ZNF804B: variants seen among roughly 807,000 people sequenced by gnomAD.
ZNF804B encodes zinc finger 804B.
ZNF804B carries 80 observed loss-of-function variants against 101.4 expected under a neutral mutation model. The ratio of observed to expected loss-of-function variants is 0.79; its 90% CI spans 0.66 to 0.95. ZNF804B has a LOEUF of 0.95. Among genes scored for constraint, ZNF804B ranks in the 40% least tolerant of loss-of-function variants. The pLI is 0.00. For synonymous variants in ZNF804B, 622 were observed against 558.8 expected (o/e 1.11, Z -1.59); for missense variants, 1,673 against 1,561.9 (o/e 1.07, Z -1.20).
intron 1 of ZNF804B, among the ~76,000 whole-genome samples, chr7:88,935,242 A>C (rs1028473703): frequency 1.3e-5 from 2 of 151,876 alleles, no homozygotes; most frequent in Non-Finnish European, 2.9e-5. Flanking sequence ...ATGTGAAGGC[A>C]TAAGAATGAT....
intron 2 of ZNF804B, among the ~76,000 whole-genome samples, chr7:89,239,634 A>C (rs1028625213): frequency 2.6e-5 from 4 of 152,064 alleles, no homozygotes; most frequent in African/African-American, 9.7e-5. Context: ...TGAATGACTG[A>C]TTCTGTGTTT....
intron 1 of ZNF804B, among the ~76,000 whole-genome samples, chr7:88,946,167 C>T (rs1011850457): frequency 2.0e-5 from 3 of 151,970 alleles, no homozygotes; most frequent in South Asian, 2.1e-4. Flanking sequence ...TGTCCTGTGC[C>T]GGTTTTCAAA....
chr7:89,315,852 G>A (rs1790719271), intron 2 of ZNF804B, among the ~76,000 whole-genome samples: 1 of 152,078 alleles, frequency 6.6e-6, no homozygotes, highest in African/African-American at 2.4e-5. Context: ...ACTGGGGCCT[G>A]ATCATCACTG....
At chr7:89,000,273 C>T (rs1788263803) in intron 1 of ZNF804B, among the ~76,000 whole-genome samples, 1 of 151,898 alleles carries the variant, frequency 6.6e-6, no homozygotes, top group East Asian at 1.9e-4. Flanking sequence ...AGGAAAGATG[C>T]ACTGTTAGCA....
chr7:88,937,628 A>C (rs1233975112), intron 1 of ZNF804B, among the ~76,000 whole-genome samples: 2 of 152,078 alleles, frequency 1.3e-5, no homozygotes, highest in East Asian at 3.9e-4. Flanking sequence ...GGCAAAAGCA[A>C]GTTTCATAAA....
At chr7:89,077,692 T>G (rs1260970453) in intron 1 of ZNF804B, among the ~76,000 whole-genome samples, 9 of 152,178 alleles carry the variant, frequency 5.9e-5, no homozygotes, top group Admixed American at 5.9e-4. Context: ...ATTTAAAATG[T>G]TGCTTCTTCC....
In ZNF804B at chr7:89,221,372, G is replaced by A. The variant is rs150209702; in HGVS notation, c.249+3077G>A. Among the ~76,000 whole-genome samples the A allele has an allele frequency of 3.8e-3, 577 of 151,990 alleles. 3 individuals carry two copies. The highest frequency in any genetic ancestry group is 0.013 in the African/African-American group (554 of 41,498). Reference sequence around the variant, plus strand: ...AGGGATTTGGAGAAATAAAAGACCAGGAAAGGTCTCATGCAACAGTGGAAT... The same window carrying A: ...AGGGATTTGGAGAAATAAAAGACCAAGAAAGGTCTCATGCAACAGTGGAAT... On this transcript the variant is annotated intron_variant, in intron 2 of 3. Transcript: ENST00000333190.
intron 1 of ZNF804B, among the ~76,000 whole-genome samples, chr7:89,129,092 A>G (rs1790510275): frequency 6.6e-6 from 1 of 151,878 alleles, no homozygotes; most frequent in African/African-American, 2.4e-5. Flanking sequence ...TATTTCTTAT[A>G]CCTGCTAAAG....
chr7:88,845,322 ATAAC>A (rs1451789536), intron 1 of ZNF804B, among the ~76,000 whole-genome samples: 3 of 105,832 alleles, frequency 2.8e-5, no homozygotes, highest in African/African-American at 1.2e-4. Context: ...CACACACACA[ATAAC>A]AACACACAGT....
At chr7:88,966,773 C>A (rs541840415) in intron 1 of ZNF804B, among the ~76,000 whole-genome samples, 1 of 151,218 alleles carries the variant, frequency 6.6e-6, no homozygotes, top group African/African-American at 2.4e-5. Flanking sequence ...CACACACACA[C>A]AAACACACAC....
chr7:89,044,990 G>A (rs538040071), intron 1 of ZNF804B, among the ~76,000 whole-genome samples: 3 of 152,260 alleles, frequency 2.0e-5, no homozygotes, highest in South Asian at 2.1e-4. Flanking sequence ...ATCACAGGCC[G>A]GGTAGCCTAT....
chr7:89,041,018 G>A (rs1789008456), intron 1 of ZNF804B, among the ~76,000 whole-genome samples: 1 of 151,974 alleles, frequency 6.6e-6, no homozygotes, highest in African/African-American at 2.4e-5. Context: ...GGATCTGTGG[G>A]GCCAGTCTTG....
chr7:89,264,936 CAG>C (rs1205042317), intron 2 of ZNF804B, among the ~76,000 whole-genome samples: 2 of 152,142 alleles, frequency 1.3e-5, no homozygotes, highest in Admixed American at 1.3e-4. Context: ...ACAACTGAAA[CAG>C]AATATTGTTA....
chr7:88,859,387 G>C (rs1043097833), intron 1 of ZNF804B, among the ~76,000 whole-genome samples: 1 of 151,890 alleles, frequency 6.6e-6, no homozygotes, highest in African/African-American at 2.4e-5. Flanking sequence ...TAATAAAAGG[G>C]CACAAGCTTT....
At chr7:88,899,447 T>C (rs1792356644) in intron 1 of ZNF804B, among the ~76,000 whole-genome samples, 1 of 152,156 alleles carries the variant, frequency 6.6e-6, no homozygotes, top group Non-Finnish European at 1.5e-5. Context: ...TGTTTCACCT[T>C]GTCACTGTAT....
intron 2 of ZNF804B, among the ~76,000 whole-genome samples, chr7:89,230,006 C>G (rs1789164725): frequency 6.6e-6 from 1 of 151,770 alleles, no homozygotes; most frequent in Non-Finnish European, 1.5e-5. Context: ...GAAAATATGT[C>G]TTAGTAAAAT....
chr7:88,852,306 C>G (rs191810064), intron 1 of ZNF804B, among the ~76,000 whole-genome samples: 1 of 152,154 alleles, frequency 6.6e-6, no homozygotes, highest in Admixed American at 6.6e-5. Flanking sequence ...TACTATGAGT[C>G]ATGGTCAGAA....
At chr7:89,108,014 T>C (rs1356789847) in intron 1 of ZNF804B, among the ~76,000 whole-genome samples, 1 of 151,994 alleles carries the variant, frequency 6.6e-6, no homozygotes, top group Admixed American at 6.6e-5. Flanking sequence ...CTCCTAAGAC[T>C]GTCACAGCCA....
intron 1 of ZNF804B, among the ~76,000 whole-genome samples, chr7:88,832,689 GC>G (rs1477692402): frequency 1.3e-5 from 2 of 151,752 alleles, no homozygotes. Context: ...AAATTGTTTG[GC>G]CGAAGATGTG....
Sources: allele counts gnomAD v4.1 joint callset (sites outside exome capture counted in the v4.1 genomes callset), GRCh38; gene constraint gnomAD v4.1.1; transcripts MANE v1.5; gene names NCBI Gene and HGNC (gene_info 2026-07-23, HGNC 2026-07-21).